Variants in CAST observed in about 807,000 individuals in gnomAD.
CAST encodes the protein calpastatin, also known as MIR583 host.
CAST carries 76 observed loss-of-function variants against 119.6 expected under a neutral mutation model. The observed-to-expected ratio is 0.64, with a 90% CI of 0.53 to 0.77. The LOEUF (loss-of-function observed/expected upper bound fraction) is 0.77, where lower values mean the gene tolerates loss of function less well. Among genes scored for constraint, CAST ranks in the 30% least tolerant of loss-of-function variants. The pLI is 0.00. For missense variants in CAST, 953 were observed against 946.5 expected (o/e 1.01, Z -0.09); for synonymous variants, 319 against 331.6 (o/e 0.96, Z 0.41).
At chr5:96,159,861 A>G in the CAST span, among the ~76,000 whole-genome samples, 8 of 151,854 alleles carry the variant, frequency 5.3e-5, no homozygotes, top group African/African-American at 1.9e-4. Flanking sequence ...TTAAAATGTA[A>G]ATGGGCTCAC....
intron 24 of CAST, among the ~76,000 whole-genome samples, chr5:96,760,204 T>A (rs1581339937): frequency 6.6e-6 from 1 of 151,996 alleles, no homozygotes; most frequent in Admixed American, 6.6e-5. Context: ...AATGTGTAGA[T>A]GTAAAAATTA....
chr5:96,277,376 T>C, the CAST span, among the ~76,000 whole-genome samples: 45 of 152,268 alleles, frequency 3.0e-4, no homozygotes, highest in African/African-American at 9.6e-4. Flanking sequence ...GGTTTTTTTT[T>C]CCTGTGATTT....
the CAST span, among the ~76,000 whole-genome samples, chr5:96,512,869 G>A: frequency 3.3e-5 from 5 of 152,136 alleles, no homozygotes; most frequent in Non-Finnish European, 7.4e-5. Context: ...GAACACAAAC[G>A]AAGATTTTTT....
chr5:96,317,173 T>C, the CAST span, among the ~76,000 whole-genome samples: 1 of 151,872 alleles, frequency 6.6e-6, no homozygotes, highest in African/African-American at 2.4e-5. Flanking sequence ...ATTATAAAGG[T>C]GTCATCCTGG....
the CAST span, among the ~76,000 whole-genome samples, chr5:96,374,873 C>T: frequency 6.6e-6 from 1 of 152,082 alleles, no homozygotes; most frequent in African/African-American, 2.4e-5. Flanking sequence ...GGCTCTCAAT[C>T]TCGGGTATGA....
chr5:96,092,685 C>G, the CAST span, among the ~76,000 whole-genome samples: 1 of 152,170 alleles, frequency 6.6e-6, no homozygotes, highest in South Asian at 2.1e-4. Context: ...GGCCAACTTT[C>G]CTAACTAATA....
chr5:96,608,647 T>C (rs1747302416), intron 1 of CAST, among the ~76,000 whole-genome samples: 1 of 152,184 alleles, frequency 6.6e-6, no homozygotes, highest in Admixed American at 6.5e-5. Flanking sequence ...TACAGGATAT[T>C]AGTCCATTCT....
chr5:96,490,137 G>A, the CAST span, among the ~76,000 whole-genome samples: 1 of 152,152 alleles, frequency 6.6e-6, no homozygotes, highest in Non-Finnish European at 1.5e-5. Flanking sequence ...ACACTCCCCT[G>A]CTTCTCTCTG....
At chr5:96,000,881 T>TA in the CAST span, among the ~76,000 whole-genome samples, 11 of 152,304 alleles carry the variant, frequency 7.2e-5, no homozygotes, top group South Asian at 2.3e-3. Context: ...TTGATATTCT[T>TA]AGAGTGGGGA....
At chr5:96,072,374 A>T in the CAST span, among the ~76,000 whole-genome samples, 1 of 152,172 alleles carries the variant, frequency 6.6e-6, no homozygotes, top group Admixed American at 6.5e-5. Context: ...CGGCTGGAGA[A>T]CATGAATTTG....
intron 1 of CAST, among the ~76,000 whole-genome samples, chr5:96,575,647 TG>T (rs1327286036): frequency 4.0e-5 from 6 of 149,604 alleles, no homozygotes; most frequent in African/African-American, 1.5e-4. Context: ...TTTTGTTTTT[TG>T]TTTTTTTTTT....
the CAST span, among the ~76,000 whole-genome samples, chr5:96,270,000 T>C: frequency 9.3e-3 from 1,410 of 152,232 alleles, 27 homozygotes; most frequent in African/African-American, 0.033. Flanking sequence ...AACAAAATAC[T>C]AGCAAACTGA....
At chr5:96,414,436 G>C in the CAST span, among the ~76,000 whole-genome samples, 2 of 152,142 alleles carry the variant, frequency 1.3e-5, no homozygotes. Context: ...CTTGAAACTG[G>C]GGAGCCAGAA....
chr5:96,054,187 CTGATTATGAGGGCCTATTCTAT>C, the CAST span, among the ~76,000 whole-genome samples: 2 of 151,772 alleles, frequency 1.3e-5, no homozygotes, highest in South Asian at 4.2e-4. Context: ...TAATATAGCT[CTGATTATGAGGGCCTATTCTAT>C]TTCTGTGTGT....
At chr5:96,183,165 ATAAT>A in the CAST span, among the ~76,000 whole-genome samples, 3 of 117,670 alleles carry the variant, frequency 2.5e-5, no homozygotes, top group East Asian at 6.5e-4. Flanking sequence ...AAATAAAATA[ATAAT>A]AATAATAATA....
At chr5:96,665,955 A>G (rs1749285444) in intron 1 of CAST, among the ~76,000 whole-genome samples, 1 of 152,330 alleles carries the variant, frequency 6.6e-6, no homozygotes, top group South Asian at 2.1e-4. Flanking sequence ...ATTTATATGC[A>G]TATATATCTA....
chr5:96,105,351 A>C, the CAST span, among the ~76,000 whole-genome samples: 1 of 152,238 alleles, frequency 6.6e-6, no homozygotes, highest in East Asian at 1.9e-4. Flanking sequence ...TTGTCCATTC[A>C]GTATGATATT....
intron 3 of CAST, among the ~76,000 whole-genome samples, chr5:96,718,750 T>C (rs1757646053): frequency 6.6e-6 from 1 of 152,100 alleles, no homozygotes. Context: ...CCAGTGTTCT[T>C]AGTAACCCTC....
the CAST span, among the ~76,000 whole-genome samples, chr5:96,445,664 A>T: frequency 2.6e-5 from 4 of 152,162 alleles, no homozygotes; most frequent in Non-Finnish European, 4.4e-5. Context: ...TTAAGTTCCC[A>T]GTCAGGTCTT....
Sources: allele counts gnomAD v4.1 joint callset (sites outside exome capture counted in the v4.1 genomes callset), GRCh38; gene constraint gnomAD v4.1.1; transcripts MANE v1.5; gene names NCBI Gene and HGNC (gene_info 2026-07-23, HGNC 2026-07-21).